The following FGF20 variants were observed in gnomAD, a reference collection of about 807,000 sequenced individuals.
The protein encoded by FGF20 is fibroblast growth factor 20.
FGF20 carries 8 observed loss-of-function variants against 16.7 expected under a neutral mutation model. The ratio of observed to expected loss-of-function variants is 0.48; its 90% CI spans 0.28 to 0.87. The LOEUF is 0.87. Among genes scored for constraint, FGF20 ranks in the 40% least tolerant of loss-of-function variants. The pLI is 0.10. For missense variants in FGF20, 397 were observed against 281.4 expected, an observed-to-expected ratio of 1.41 and a Z score of -2.94; for synonymous variants, 161 against 118.6, an observed-to-expected ratio of 1.36 and a Z score of -2.32.
At chr8:17,001,721 G>A in intron 1 of FGF20, 26 bp downstream of exon 1, 2 of 1,557,456 alleles carry the variant, frequency 1.3e-6, no homozygotes, top group South Asian at 1.2e-5. Flanking sequence ...CGCAGATGGG[G>A]GTGGGGTCGG....
Position 16,993,027 on chromosome 8 carries a change from A to G in FGF20, c.*45T>C. 6.3e-7 allele frequency: 1 copy of G among 1,587,362 alleles called. No homozygotes were observed. On this transcript the variant is annotated 3_prime_UTR_variant, in exon 3 of 3. Coordinates refer to ENST00000180166, the MANE Select transcript of FGF20 (RefSeq NM_019851.3). ...TTTTATGATGGGAACTATGACAAGA[A>G]AGAATGGTTGTGGTTTGACTCTTCC... is the stretch of plus-strand genomic sequence containing the variant.
intron 1 of FGF20, among the ~76,000 whole-genome samples, chr8:16,996,223 C>T (rs1457971523): frequency 1.3e-5 from 2 of 152,014 alleles, no homozygotes; most frequent in African/African-American, 4.8e-5. Flanking sequence ...TCTCACCCTT[C>T]TATGTGTCCA....
rs764133199 is a variant in FGF20, at chr8:17,002,007, C to G, written c.26G>C (p.Gly9Ala). 6.5e-7 allele frequency: 1 copy of G among 1,534,786 alleles called. No homozygotes were observed. The highest frequency in any genetic ancestry group is 1.4e-5 in the African/African-American group (1 of 70,700). Residue 9 changes from glycine (G) to alanine (A), a missense_variant, in exon 1 of 3, where the codon GGC (glycine) becomes GCC (alanine). By Grantham distance (60) the Gly-to-Ala change is moderately conservative. Transcript: ENST00000180166. MAPLAEVGGFLGGLEGLGQ... is the reference protein window; with the variant it reads MAPLAEVGAFLGGLEGLGQ... Reference sequence around the variant, plus strand: ...CAAGCCCTCCAGGCCGCCCAGAAAGCCCCCGACTTCGGCTAAGGGAGCCAT... The same window carrying G: ...CAAGCCCTCCAGGCCGCCCAGAAAGGCCCCGACTTCGGCTAAGGGAGCCAT...
intron 1 of FGF20, among the ~76,000 whole-genome samples, chr8:16,997,376 C>T (rs1810081072): frequency 6.6e-6 from 1 of 152,178 alleles, no homozygotes; most frequent in Non-Finnish European, 1.5e-5. Context: ...ACCCTTTAGC[C>T]TGACTCTTGC....
chr8:16,994,814 C>G (rs1810005348), intron 2 of FGF20, among the ~76,000 whole-genome samples: 1 of 152,138 alleles, frequency 6.6e-6, no homozygotes, highest in South Asian at 2.1e-4. Context: ...GAGTGGGATA[C>G]TGGCATACAT....
intron 1 of FGF20, among the ~76,000 whole-genome samples, chr8:16,996,624 C>T (rs1171998970): frequency 6.6e-6 from 1 of 152,100 alleles, no homozygotes; most frequent in African/African-American, 2.4e-5. Context: ...TAAATCAAGT[C>T]AATCTGTTTC....
rs754738195 is a variant in FGF20 at position 17,002,044 on chromosome 8, T to A, written c.-12A>T. ...GCTAAGGGAGCCATGGAGGGGGAGA[T>A]CCGGAACACAAAAGACCCCCCCAGT... On this transcript the variant is annotated 5_prime_UTR_variant, in exon 1 of 3. Transcript: ENST00000180166. 6.5e-7 allele frequency: 1 copy of A among 1,533,146 alleles called. No individual in the cohort carries two copies. Among genetic ancestry groups the A allele is most frequent in the Admixed American group, 2.0e-5 (1 of 49,422 alleles). The allele number at this position is 1,533,146 out of a possible 1,614,324, so 95.0% of individuals were successfully genotyped here. A position where few individuals can be genotyped will look rare whatever the true frequency, so the allele number is the denominator to read the frequency against.
intron 1 of FGF20, among the ~76,000 whole-genome samples, chr8:16,998,592 C>G (rs774964458): frequency 6.6e-6 from 1 of 152,058 alleles, no homozygotes; most frequent in Non-Finnish European, 1.5e-5. Context: ...CATAAAAAGA[C>G]TTGGAGGTAC....
At chr8:16,997,346 T>A (rs17550095) in intron 1 of FGF20, among the ~76,000 whole-genome samples, 2,930 of 152,264 alleles carry the variant, frequency 0.019, 45 homozygotes, top group South Asian at 0.038. Context: ...TCCTGAGCTC[T>A]ACAAACAGTA....
At position 16,997,519 on chromosome 8, in the gene FGF20, C is replaced by T. The variant is rs367705358; in HGVS notation, c.287-1761G>A. ...TATTCTATCCAAAGCCTAATTCACT[C>T]TTTGTCAGAAACAGAGATTCTTAGC... On this transcript the variant is annotated intron_variant, in intron 1 of 2. Transcript: ENST00000180166. Among the ~76,000 whole-genome samples, 4 of 152,340 alleles carry T rather than the reference C, an allele frequency of 2.6e-5. No homozygotes were observed. In the South Asian group the frequency reaches 8.3e-4, roughly 32 times the overall value.
Position 16,995,774 on chromosome 8 carries a change from AT to A in FGF20, c.287-17del. ...TCCAAGATACCTGCATATGTAAACA[AT>A]TCATAAAAACACCATGTTTTGTATT... On this transcript the variant is annotated splice_polypyrimidine_tract_variant and intron_variant, in intron 1 of 2. Transcript: ENST00000180166. The A allele has an allele frequency of 7.0e-7, 1 of 1,422,256 alleles. No homozygotes were observed. The highest frequency in any genetic ancestry group is 9.8e-7 in the Non-Finnish European group (1 of 1,017,284). The allele number at this position is 1,422,256 out of a possible 1,614,324, so 88.1% of individuals were successfully genotyped here.
At chr8:16,998,420 G>A (rs1027113176) in intron 1 of FGF20, among the ~76,000 whole-genome samples, 1 of 152,104 alleles carries the variant, frequency 6.6e-6, no homozygotes, top group Non-Finnish European at 1.5e-5. Flanking sequence ...ATACCACGTA[G>A]TAATTTGTAA....
chr8:16,993,273 C>G lies in FGF20; in HGVS notation c.435G>C (p.Glu145Asp). ...SECIFREQFEENWYNTYSSNI... is the reference protein window; with the variant it reads ...SECIFREQFEDNWYNTYSSNI... ...TAGATGAATAGGTGTTATACCAGTT[C>G]TCTTCAAACTGCTCCCTAAAGATGC... The change falls in exon 3 of 3, where the codon GAG (glutamate) becomes GAC (aspartate). Residue 145 changes from glutamate to aspartate, a missense_variant. Physicochemically the swap from Glu to Asp is conservative, Grantham distance 45. Transcript: ENST00000180166. 6.2e-7 allele frequency: 1 copy of G among 1,613,952 alleles called. No homozygotes were observed. The highest frequency in any genetic ancestry group is 8.5e-7 in the Non-Finnish European group (1 of 1,179,904).
In FGF20 at chr8:17,001,770, G is replaced by A. The variant is rs760643638; in HGVS notation, c.263C>T (p.Thr88Ile). ...ACCGAAGAGGCTGTGGTCCTGCCGG[G>A]TGCCCTGCACGCTGCCGTCGGGCAG... is the stretch of plus-strand genomic sequence containing the variant. Reference protein sequence around the residue: ...QILPDGSVQGTRQDHSLFGIL... With the variant: ...QILPDGSVQGIRQDHSLFGIL... Residue 88 changes from threonine to isoleucine, a missense_variant, in exon 1 of 3, where the codon ACC becomes ATC. Coordinates refer to ENST00000180166, the MANE Select transcript of FGF20 (RefSeq NM_019851.3). 2.3e-5 allele frequency: 37 copies of A among 1,576,950 alleles called. 1 individual carries two copies. The South Asian group carries it at 3.9e-4, about 16-fold the overall frequency.
At chr8:16,996,208 A>T (rs1810040967) in intron 1 of FGF20, among the ~76,000 whole-genome samples, 1 of 151,230 alleles carries the variant, frequency 6.6e-6, no homozygotes, top group South Asian at 2.1e-4. Flanking sequence ...AATAAATTCC[A>T]TTTTTCTCAC....
chr8:16,999,325 C>G (rs75158505), intron 1 of FGF20, among the ~76,000 whole-genome samples: 1 of 151,976 alleles, frequency 6.6e-6, no homozygotes, highest in African/African-American at 2.4e-5. Flanking sequence ...ACAAAATGTG[C>G]GAGCAAGATG....
intron 1 of FGF20, among the ~76,000 whole-genome samples, chr8:16,997,447 G>A (rs1308340100): frequency 6.6e-6 from 1 of 152,110 alleles, no homozygotes; most frequent in African/African-American, 2.4e-5. Flanking sequence ...TACTCCCAAG[G>A]CCAAGGGAAA....
chr8:17,000,931 C>T (rs1242472937), intron 1 of FGF20, among the ~76,000 whole-genome samples: 3 of 152,120 alleles, frequency 2.0e-5, no homozygotes, highest in Non-Finnish European at 2.9e-5. Flanking sequence ...CCCATTTCCT[C>T]TTTCCTAAAG....
intron 1 of FGF20, among the ~76,000 whole-genome samples, chr8:16,998,850 C>A: frequency 6.7e-6 from 1 of 148,596 alleles, no homozygotes. Context: ...ATCATAAATA[C>A]AGAGATAACT....
Sources: allele counts gnomAD v4.1 joint callset (sites outside exome capture counted in the v4.1 genomes callset), GRCh38; gene constraint gnomAD v4.1.1; transcripts MANE v1.5; gene names NCBI Gene and HGNC (gene_info 2026-07-23, HGNC 2026-07-21).